SNCAIP: variants seen among roughly 807,000 people sequenced by gnomAD.
SNCAIP encodes synuclein alpha interacting protein.
In SNCAIP, 43 loss-of-function variants were observed where a neutral mutation model predicts 86.7. That is an observed-to-expected ratio of 0.50 (90% CI 0.39 to 0.64). The LOEUF is 0.64. Ranked by LOEUF, SNCAIP falls within the 30% of genes least tolerant of loss-of-function variation. The pLI is 0.00. For missense variants in SNCAIP, 981 were observed against 1,103.1 expected (o/e 0.89, Z 1.57); for synonymous variants, 417 against 427.2 (o/e 0.98, Z 0.29).
intron 3 of SNCAIP, among the ~76,000 whole-genome samples, chr5:122,408,142 T>C (rs1260631098): frequency 6.6e-6 from 1 of 152,192 alleles, no homozygotes; most frequent in Non-Finnish European, 1.5e-5. Flanking sequence ...TACAGTACAG[T>C]TACCAGCATC....
intron 7 of SNCAIP, among the ~76,000 whole-genome samples, chr5:122,442,602 A>G (rs1781297599): frequency 6.6e-6 from 1 of 152,170 alleles, no homozygotes; most frequent in Admixed American, 6.5e-5. Flanking sequence ...ATTTTTTTGT[A>G]AAGGAAATAT....
chr5:122,327,035 T>G (rs548677940), intron 1 of SNCAIP, among the ~76,000 whole-genome samples: 2 of 151,940 alleles, frequency 1.3e-5, no homozygotes, highest in African/African-American at 4.8e-5. Flanking sequence ...GATCTCCCAG[T>G]TGATCCAAGT....
At chr5:122,416,928 A>G (rs140619302) in intron 3 of SNCAIP, among the ~76,000 whole-genome samples, 318 of 152,338 alleles carry the variant, frequency 2.1e-3, no homozygotes, top group Non-Finnish European at 2.7e-3. Flanking sequence ...TTTGAAGGCA[A>G]TTATAGCTAA....
At chr5:122,430,371 A>C (rs1047225499) in intron 5 of SNCAIP, among the ~76,000 whole-genome samples, 2 of 152,178 alleles carry the variant, frequency 1.3e-5, no homozygotes, top group African/African-American at 4.8e-5. Flanking sequence ...AGAGCATTCT[A>C]ATAGAAGGTA....
chr5:122,338,000 A>G (rs2152713234), intron 1 of SNCAIP, among the ~76,000 whole-genome samples: 1 of 152,366 alleles, frequency 6.6e-6, no homozygotes, highest in South Asian at 2.1e-4. Flanking sequence ...ATAAAAAGGA[A>G]TAAGGAGAGT....
Position 122,460,148 on chromosome 5 carries a change from G to T in SNCAIP, c.2755-3343G>T, listed in dbSNP as rs369925688. On this transcript the variant is annotated intron_variant, in intron 10 of 10. Coordinates refer to ENST00000261368, the MANE Select transcript of SNCAIP (RefSeq NM_005460.4). ...CTTTTTTTTTTTTTTAAGAAACAGG[G>T]TCTTGCTCAGTCACCTAGGCTGCAG... Among the ~76,000 whole-genome samples, 3 of 150,664 alleles carry T rather than the reference G, an allele frequency of 2.0e-5. No homozygotes were observed. The East Asian group carries it at 5.8e-4, about 29-fold the overall frequency.
At chr5:122,381,478 G>T (rs1766793665) in intron 1 of SNCAIP, among the ~76,000 whole-genome samples, 9 of 148,548 alleles carry the variant, frequency 6.1e-5, no homozygotes. Flanking sequence ...ACACTGATGG[G>T]TCTTGACTCT....
chr5:122,408,204 T>C (rs903041899), intron 3 of SNCAIP, among the ~76,000 whole-genome samples: 1 of 152,210 alleles, frequency 6.6e-6, no homozygotes, highest in African/African-American at 2.4e-5. Flanking sequence ...CCACATGTGG[T>C]CTGCTCGGAA....
At chr5:122,362,420 T>C (rs1353300758) in intron 1 of SNCAIP, among the ~76,000 whole-genome samples, 3 of 152,188 alleles carry the variant, frequency 2.0e-5, no homozygotes, top group African/African-American at 7.2e-5. Context: ...TCTGAGTGTT[T>C]TCTGACCCCA....
chr5:122,387,199 C>T (rs930203982), intron 1 of SNCAIP, among the ~76,000 whole-genome samples: 1 of 152,092 alleles, frequency 6.6e-6, no homozygotes, highest in African/African-American at 2.4e-5. Flanking sequence ...CGTTCTGTCA[C>T]CCAGACTGGA....
chr5:122,346,381 A>G (rs994229377), intron 1 of SNCAIP, among the ~76,000 whole-genome samples: 65 of 152,162 alleles, frequency 4.3e-4, no homozygotes, highest in African/African-American at 1.5e-3. Context: ...AAAAAACTCA[A>G]AAATGTATTT....
intron 6 of SNCAIP, among the ~76,000 whole-genome samples, chr5:122,438,660 C>G (rs1581256805): frequency 6.6e-6 from 1 of 152,180 alleles, no homozygotes; most frequent in Admixed American, 6.5e-5. Flanking sequence ...CATTATACTT[C>G]ATTTTGCTTA....
In SNCAIP at chr5:122,451,558, A is replaced by C. The variant is rs1783687703; in HGVS notation, c.2711A>C (p.Lys904Thr). ...LTSLGRKTDAKGNPASSASKG... is the reference protein window; with the variant it reads ...LTSLGRKTDATGNPASSASKG... ...TCACTTGGGAGGAAGACAGATGCCA[A>C]GGGAAACCCTGCCAGCTCCGCTAGC... The change falls in exon 10 of 11, where the codon AAG (lysine) becomes ACG (threonine). Residue 904 changes from lysine (K) to threonine (T), a missense_variant. Lys to Thr is a moderately conservative substitution (Grantham distance 78). Coordinates refer to ENST00000261368, the MANE Select transcript of SNCAIP (RefSeq NM_005460.4). 1 of 1,613,772 alleles carries C rather than the reference A, an allele frequency of 6.2e-7. No individual in the cohort carries two copies. Among genetic ancestry groups the C allele is most frequent in the Non-Finnish European group, 8.5e-7 (1 of 1,179,942 alleles).
At chr5:122,368,890 T>A (rs1763706322) in intron 1 of SNCAIP, among the ~76,000 whole-genome samples, 2 of 152,184 alleles carry the variant, frequency 1.3e-5, no homozygotes, top group African/African-American at 4.8e-5. Context: ...AAAATAGCTG[T>A]AGGCAGCCAT....
At chr5:122,397,669 G>T (rs1193326745) in intron 2 of SNCAIP, among the ~76,000 whole-genome samples, 1 of 152,168 alleles carries the variant, frequency 6.6e-6, no homozygotes, top group African/African-American at 2.4e-5. Context: ...AGGTATGAAA[G>T]TGTGGATCAC....
At chr5:122,377,353 T>A (rs1765539985) in intron 1 of SNCAIP, among the ~76,000 whole-genome samples, 1 of 152,182 alleles carries the variant, frequency 6.6e-6, no homozygotes, top group Non-Finnish European at 1.5e-5. Context: ...TGTTTGCATG[T>A]ATTTTTTTCT....
At chr5:122,333,047 T>C (rs1266174999) in intron 1 of SNCAIP, among the ~76,000 whole-genome samples, 1 of 152,176 alleles carries the variant, frequency 6.6e-6, no homozygotes, top group African/African-American at 2.4e-5. Context: ...AAGAATGAAA[T>C]AGCTGAGCTT....
intron 1 of SNCAIP, among the ~76,000 whole-genome samples, chr5:122,331,185 C>A (rs971432958): frequency 6.6e-6 from 1 of 152,144 alleles, no homozygotes; most frequent in Non-Finnish European, 1.5e-5. Flanking sequence ...AGGACTCGAA[C>A]TGATATCAGT....
intron 3 of SNCAIP, among the ~76,000 whole-genome samples, chr5:122,411,785 C>T (rs771059108): frequency 3.4e-4 from 51 of 152,112 alleles, no homozygotes; most frequent in African/African-American, 1.0e-3. Flanking sequence ...TCAAAATCTG[C>T]GTTTTAACAA....
Sources: allele counts gnomAD v4.1 joint callset (sites outside exome capture counted in the v4.1 genomes callset), GRCh38; gene constraint gnomAD v4.1.1; transcripts MANE v1.5; gene names NCBI Gene and HGNC (gene_info 2026-07-23, HGNC 2026-07-21).